MTUS2: variants seen among roughly 807,000 people sequenced by gnomAD.
The protein encoded by MTUS2 is microtubule-associated tumor suppressor candidate 2.
MTUS2 carries 40 observed loss-of-function variants against 114.1 expected under a neutral mutation model. The observed-to-expected ratio is 0.35, with a 90% CI of 0.27 to 0.46. The LOEUF (loss-of-function observed/expected upper bound fraction) is 0.46. Ranked by LOEUF, MTUS2 falls within the 20% of genes least tolerant of loss-of-function variation. The pLI, the probability that MTUS2 is intolerant of heterozygous loss-of-function variation, is 1.00. For missense variants in MTUS2, 1,679 were observed against 1,705.4 expected (o/e 0.98, Z 0.27); for synonymous variants, 688 against 672.0 (o/e 1.02, Z -0.37).
At chr13:29,244,190 T>C (rs1035356271) in intron 5 of MTUS2, among the ~76,000 whole-genome samples, 3 of 152,068 alleles carry the variant, frequency 2.0e-5, no homozygotes, top group Admixed American at 2.0e-4. Context: ...AGTTGAACAG[T>C]GGTCAGCTTG....
At chr13:29,328,484 C>T (rs1900623030) in intron 7 of MTUS2, among the ~76,000 whole-genome samples, 1 of 152,204 alleles carries the variant, frequency 6.6e-6, no homozygotes, top group African/African-American at 2.4e-5. Flanking sequence ...TTTAGGGATT[C>T]TTTAGTTGAC....
In MTUS2 at chr13:29,485,944, G is replaced by A. The variant is rs768174410; in HGVS notation, c.3400-1956G>A. Among the ~76,000 whole-genome samples the A allele has an allele frequency of 5.3e-5, 8 of 152,138 alleles. No individual in the cohort carries two copies. In the South Asian group the frequency reaches 8.3e-4, roughly 16 times the overall value. ...TGTGTGGGGTGGGGGCGGGGGAAGC[G>A]GGGGCCTGTGTTTTTACAGTGTGCC... On this transcript the variant is annotated intron_variant, in intron 10 of 15. Coordinates refer to ENST00000612955, the MANE Select transcript of MTUS2 (RefSeq NM_001033602.4).
chr13:29,503,364 C>T lies in MTUS2; in HGVS notation c.*158C>T, dbSNP rs1412521075. On this transcript the variant is annotated 3_prime_UTR_variant, in exon 16 of 16. Transcript: ENST00000612955. ...CTCCTCTGATCCCCGTGTAAGACTG[C>T]CCTGGTGTCGGCACTTAGGAATGTG... is the stretch of plus-strand genomic sequence containing the variant. 2.7e-6 allele frequency: 2 copies of T among 740,770 alleles called. No homozygotes were observed. The highest frequency in any genetic ancestry group is 3.8e-4 in the Middle Eastern group (1 of 2,622). 45.9% of individuals were successfully genotyped at this position (740,770 alleles called of 1,614,324 possible).
intron 2 of MTUS2, among the ~76,000 whole-genome samples, chr13:28,925,218 T>C (rs927185737): frequency 6.6e-6 from 1 of 152,140 alleles, no homozygotes; most frequent in African/African-American, 2.4e-5. Flanking sequence ...ATCATTTCTA[T>C]CTTGCAGGAG....
chr13:29,004,015 C>T (rs982714699), intron 2 of MTUS2, among the ~76,000 whole-genome samples: 2 of 152,172 alleles, frequency 1.3e-5, no homozygotes, highest in Non-Finnish European at 2.9e-5. Context: ...GAGGAGCTCC[C>T]TCATTTTGCT....
Position 29,480,281 on chromosome 13 carries a change from C to A in MTUS2, c.3316C>A (p.Leu1106Met). The A allele has an allele frequency of 1.9e-6, 3 of 1,555,022 alleles. No individual in the cohort carries two copies. The highest frequency in any genetic ancestry group is 2.6e-6 in the Non-Finnish European group (3 of 1,149,374). The change falls in exon 10 of 16, where the codon CTG (leucine) becomes ATG (methionine). Residue 1106 changes from leucine to methionine, a missense_variant. Leu to Met is a conservative substitution (Grantham distance 15). Around this residue, in one of 3 missense-constraint regions of MTUS2, gnomAD observed 822 missense variants for 899.7 expected, o/e 0.91. Coordinates refer to ENST00000612955, the MANE Select transcript of MTUS2 (RefSeq NM_001033602.4). This position sits in a 1 kb window ranked among gnomAD's most constrained non-coding sequence, Gnocchi z 4.4. ...CCAGGAGCTGGAGGAGCGGCTGCAGCTGCAATTCGAGGCGGAAATGGCGCG... is the reference window on the plus strand; with the variant it reads ...CCAGGAGCTGGAGGAGCGGCTGCAGATGCAATTCGAGGCGGAAATGGCGCG... ...ELQELEERLQLQFEAEMARLQ... is the reference protein window; with the variant it reads ...ELQELEERLQMQFEAEMARLQ...
At chr13:28,893,598 ATGAG>A (rs1320592419) in intron 2 of MTUS2, among the ~76,000 whole-genome samples, 1 of 152,186 alleles carries the variant, frequency 6.6e-6, no homozygotes, top group Non-Finnish European at 1.5e-5. Context: ...AGGTTTCATC[ATGAG>A]TAATTCTGAA....
At chr13:29,185,707 A>G (rs570461374) in intron 5 of MTUS2, among the ~76,000 whole-genome samples, 6 of 152,334 alleles carry the variant, frequency 3.9e-5, no homozygotes, top group Middle Eastern at 3.4e-3. Flanking sequence ...TTAATAATGA[A>G]GGAGAAATTA....
chr13:29,373,658 G>A (rs182164003), intron 8 of MTUS2, among the ~76,000 whole-genome samples: 143 of 152,292 alleles, frequency 9.4e-4, no homozygotes, highest in African/African-American at 3.4e-3. Context: ...TACTTCAAAA[G>A]CTTTGAAAAC....
chr13:29,001,281 A>C (rs1482839906), intron 2 of MTUS2, among the ~76,000 whole-genome samples: 1 of 152,174 alleles, frequency 6.6e-6, no homozygotes, highest in Non-Finnish European at 1.5e-5. Context: ...TTCATCATAA[A>C]CCACAGGATG....
chr13:29,503,052 A>G lies in MTUS2; in HGVS notation c.3956A>G (p.Lys1319Arg). 1 of 1,614,250 alleles carries G rather than the reference A, an allele frequency of 6.2e-7. No homozygotes were observed. The highest frequency in any genetic ancestry group is 8.5e-7 in the Non-Finnish European group (1 of 1,180,044). The change falls in exon 16 of 16, where the codon AAG becomes AGG. Residue 1319 changes from lysine to arginine, a missense_variant. Physicochemically the swap from Lys to Arg is conservative, Grantham distance 26. Transcript: ENST00000612955. ...TATGTTGAGAAGGAAACCCAGGAGA[A>G]GAAGAGATTGAGCCGAACCAATGAA... ...QEYVEKETQE[K>R]KRLSRTNEEL...
intron 2 of MTUS2, among the ~76,000 whole-genome samples, chr13:28,944,416 C>T (rs1882410440): frequency 1.3e-5 from 2 of 152,052 alleles, no homozygotes; most frequent in Admixed American, 6.5e-5. Context: ...AGGGTAACTT[C>T]TGTGTGCTTC....
intron 2 of MTUS2, among the ~76,000 whole-genome samples, chr13:28,931,684 AT>A (rs138375836): frequency 3.3e-5 from 5 of 152,062 alleles, no homozygotes; most frequent in Non-Finnish European, 7.4e-5. Flanking sequence ...TGTATTAGGT[AT>A]TTTTTTATTA....
chr13:29,432,321 G>A (rs1877062426), intron 8 of MTUS2, among the ~76,000 whole-genome samples: 1 of 152,114 alleles, frequency 6.6e-6, no homozygotes, highest in Non-Finnish European at 1.5e-5. Flanking sequence ...ACCTGATCCA[G>A]GATGAAGCCA....
At chr13:29,319,944 A>G (rs905476293) in intron 6 of MTUS2, among the ~76,000 whole-genome samples, 3 of 152,188 alleles carry the variant, frequency 2.0e-5, no homozygotes, top group African/African-American at 7.2e-5. Context: ...TTGGTGAGTA[A>G]AAAGAGTTTC....
At chr13:29,101,003 A>T in intron 5 of MTUS2, 33 bp downstream of exon 5, 10 of 1,505,718 alleles carry the variant, frequency 6.6e-6, no homozygotes, top group Non-Finnish European at 8.9e-6. Flanking sequence ...GGGTGCCTTC[A>T]CTGAATTAAA....
chr13:29,247,622 G>GT (rs1896974198), intron 5 of MTUS2, among the ~76,000 whole-genome samples: 1 of 152,012 alleles, frequency 6.6e-6, no homozygotes, highest in African/African-American at 2.4e-5. Context: ...AAGAAGATAC[G>GT]TAAATGGCCA....
chr13:29,475,550 A>G (rs1206723570), intron 9 of MTUS2, among the ~76,000 whole-genome samples: 3 of 152,226 alleles, frequency 2.0e-5, no homozygotes, highest in Non-Finnish European at 4.4e-5. Context: ...CCAGTGGGAC[A>G]AGATGTGGAG....
chr13:28,895,398 C>A lies in MTUS2; in HGVS notation c.-243+55548C>A, dbSNP rs554085001. Among the ~76,000 whole-genome samples the A allele has an allele frequency of 2.9e-4, 44 of 152,214 alleles. 1 individual carries two copies. The highest frequency in any genetic ancestry group is 2.8e-3 in the Admixed American group (43 of 15,296). On this transcript the variant is annotated intron_variant, in intron 2 of 15. Transcript: ENST00000612955. Reference sequence around the variant, plus strand: ...TGATGGACTTTTAGGATGTAGAAAACTATTTTGAGGAGTTCTGTAAGTCAA... The same window carrying A: ...TGATGGACTTTTAGGATGTAGAAAAATATTTTGAGGAGTTCTGTAAGTCAA...
Sources: allele counts gnomAD v4.1 joint callset (sites outside exome capture counted in the v4.1 genomes callset), GRCh38; gene constraint gnomAD v4.1.1; regional missense constraint gnomAD v4.1.1; non-coding constraint Gnocchi (gnomAD v3.1); transcripts MANE v1.5; gene names NCBI Gene and HGNC (gene_info 2026-07-23, HGNC 2026-07-21).